The following MAPDA variants were observed in gnomAD, a reference collection of about 807,000 sequenced individuals.
MAPDA encodes the protein N6-Methyl-AMP deaminase.
the MAPDA span, chr15:43,351,702 GA>G: frequency 6.8e-7 from 1 of 1,480,282 alleles, no homozygotes; most frequent in Non-Finnish European, 9.0e-7. Context: ...GGTTGTTTTT[GA>G]AAAATCCTTC....
chr15:43,335,486 A>T, the MAPDA span, among the ~76,000 whole-genome samples: 1 of 152,180 alleles, frequency 6.6e-6, no homozygotes, highest in South Asian at 2.1e-4. Context: ...GTGAGCTGAG[A>T]TCGCACCAGT....
chr15:43,337,789 C>G, the MAPDA span, among the ~76,000 whole-genome samples: 1 of 152,188 alleles, frequency 6.6e-6, no homozygotes, highest in Non-Finnish European at 1.5e-5. Flanking sequence ...CAAAAGTTGA[C>G]TGAGTGCCCA....
the MAPDA span, chr15:43,335,677 T>C: frequency 6.3e-7 from 1 of 1,590,844 alleles, no homozygotes; most frequent in Non-Finnish European, 8.5e-7. Context: ...TGATAAGTTT[T>C]ACTGGTTGTA....
chr15:43,340,150 C>T, the MAPDA span: 6 of 920,604 alleles, frequency 6.5e-6, no homozygotes, highest in African/African-American at 1.7e-5. Flanking sequence ...GAGAAACTTC[C>T]AACATTACTT....
the MAPDA span, among the ~76,000 whole-genome samples, chr15:43,340,511 T>C: frequency 6.6e-6 from 1 of 152,222 alleles, no homozygotes; most frequent in Non-Finnish European, 1.5e-5. Flanking sequence ...CTCTCTCTGA[T>C]GTACATTAAT....
the MAPDA span, chr15:43,330,525 G>T: frequency 9.3e-6 from 14 of 1,508,258 alleles, no homozygotes; most frequent in Middle Eastern, 2.1e-4. Flanking sequence ...GTCTGTCACG[G>T]TTGTGAGCCG....
chr15:43,338,023 A>G, the MAPDA span, among the ~76,000 whole-genome samples: 39 of 152,242 alleles, frequency 2.6e-4, no homozygotes, highest in Non-Finnish European at 5.4e-4. Context: ...AATATCCACC[A>G]CAGGGGCCCT....
chr15:43,335,968 A>T, the MAPDA span: 1 of 999,844 alleles, frequency 1.0e-6, no homozygotes, highest in Admixed American at 2.8e-5. Flanking sequence ...AACATACAAC[A>T]TTTTTTTCCA....
chr15:43,333,437 AT>A, the MAPDA span: 1 of 151,844 alleles, frequency 6.6e-6, no homozygotes, highest in African/African-American at 2.4e-5. Flanking sequence ...AAAAAAAGGT[AT>A]GTTTTTCCAT....
the MAPDA span, among the ~76,000 whole-genome samples, chr15:43,342,747 CAA>C: frequency 1.2e-4 from 15 of 121,668 alleles, no homozygotes; most frequent in Admixed American, 1.7e-4. Flanking sequence ...GACCCTGTCT[CAA>C]AAAAAAAAAA....
chr15:43,351,832 C>G, the MAPDA span: 1 of 1,551,664 alleles, frequency 6.4e-7, no homozygotes, highest in South Asian at 1.2e-5. Context: ...GACCCAGTCT[C>G]AGGTGTGGGA....
chr15:43,338,192 A>G, the MAPDA span, among the ~76,000 whole-genome samples: 1 of 152,228 alleles, frequency 6.6e-6, no homozygotes, highest in Non-Finnish European at 1.5e-5. Flanking sequence ...GATTCTGTGC[A>G]TTTGACCTAG....
At chr15:43,354,358 A>C in the MAPDA span, 3 of 152,152 alleles carry the variant, frequency 2.0e-5, no homozygotes, top group Admixed American at 2.0e-4. Flanking sequence ...TTCTACCCTT[A>C]TCTACTCATA....
At chr15:43,351,676 C>T in the MAPDA span, 1 of 1,390,178 alleles carries the variant, frequency 7.2e-7, no homozygotes, top group Non-Finnish European at 9.6e-7. Context: ...GGAAAATAGA[C>T]TCTAAACAAA....
the MAPDA span, among the ~76,000 whole-genome samples, chr15:43,334,060 T>C: frequency 5.3e-5 from 8 of 152,214 alleles, no homozygotes; most frequent in African/African-American, 1.9e-4. Flanking sequence ...ATATCAGTGA[T>C]TGAGATATCA....
chr15:43,340,433 G>A, the MAPDA span: 3 of 1,183,314 alleles, frequency 2.5e-6, no homozygotes, highest in South Asian at 3.9e-5. Flanking sequence ...GTGGGAATAT[G>A]AAGCACTAAC....
chr15:43,343,958 G>GA, the MAPDA span, among the ~76,000 whole-genome samples: 1 of 151,712 alleles, frequency 6.6e-6, no homozygotes, highest in Non-Finnish European at 1.5e-5. Context: ...GAAATACAGA[G>GA]AAAACTACTT....
the MAPDA span, chr15:43,335,107 A>G: frequency 1.9e-6 from 3 of 1,613,448 alleles, no homozygotes; most frequent in Non-Finnish European, 2.5e-6. Flanking sequence ...TTCCTGCTAA[A>G]ATGATAGAGG....
chr15:43,345,997 A>G, the MAPDA span: 3 of 1,613,306 alleles, frequency 1.9e-6, no homozygotes, highest in African/African-American at 4.0e-5. Flanking sequence ...TATTTTTCCT[A>G]CGTACATTTT....
Sources: allele counts gnomAD v4.1 joint callset (sites outside exome capture counted in the v4.1 genomes callset), GRCh38; gene constraint gnomAD v4.1.1; transcripts MANE v1.5; gene names NCBI Gene and HGNC (gene_info 2026-07-23, HGNC 2026-07-21).